The following DPF3 variants were observed in gnomAD, a reference collection of about 807,000 sequenced individuals.
DPF3 encodes double PHD fingers 3.
DPF3 carries 18 observed loss-of-function variants against 56.8 expected under a neutral mutation model. That is an observed-to-expected ratio of 0.32 (90% CI 0.22 to 0.47). The LOEUF is 0.47. Ranked by LOEUF, DPF3 falls within the 20% of genes least tolerant of loss-of-function variation. DPF3 has a pLI of 1.00. For synonymous variants in DPF3, 188 were observed against 180.2 expected, an observed-to-expected ratio of 1.04 and a Z score of -0.35; for missense variants, 403 against 488.8, an observed-to-expected ratio of 0.82 and a Z score of 1.65.
At chr14:72,766,124 A>T (rs551116834) in intron 2 of DPF3, among the ~76,000 whole-genome samples, 1 of 152,358 alleles carries the variant, frequency 6.6e-6, no homozygotes, top group African/African-American at 2.4e-5. Context: ...GTCAAAACTT[A>T]TCAAGCTGGA....
chr14:72,808,682 G>A (rs191303318), intron 1 of DPF3, among the ~76,000 whole-genome samples: 79 of 152,304 alleles, frequency 5.2e-4, no homozygotes, highest in Non-Finnish European at 1.3e-4. Context: ...TCCTATTCTG[G>A]GAGGAGAAAA....
intron 1 of DPF3, among the ~76,000 whole-genome samples, chr14:72,826,355 C>T (rs1459308018): frequency 6.6e-6 from 1 of 152,144 alleles, no homozygotes; most frequent in African/African-American, 2.4e-5. Flanking sequence ...TCTAGGCTTC[C>T]TCCCTGCACT....
chr14:72,864,700 G>C (rs974503561), intron 1 of DPF3, among the ~76,000 whole-genome samples: 24 of 152,292 alleles, frequency 1.6e-4, no homozygotes, highest in African/African-American at 5.8e-4. Context: ...ATGGATGGAT[G>C]GATGGATGGA....
intron 1 of DPF3, among the ~76,000 whole-genome samples, chr14:72,884,594 G>A (rs2140128502): frequency 6.6e-6 from 1 of 152,012 alleles, no homozygotes; most frequent in Admixed American, 6.6e-5. Flanking sequence ...TGGCTGTTTG[G>A]AAGGACAGGC....
intron 7 of DPF3, among the ~76,000 whole-genome samples, chr14:72,676,138 A>G (rs576291815): frequency 4.3e-4 from 66 of 152,316 alleles, no homozygotes; most frequent in African/African-American, 1.5e-3. Context: ...CAAATGGTGA[A>G]CAGAAAGAAG....
At chr14:72,746,044 C>T (rs936483338) in intron 3 of DPF3, among the ~76,000 whole-genome samples, 4 of 152,288 alleles carry the variant, frequency 2.6e-5, no homozygotes, top group Non-Finnish European at 4.4e-5. Flanking sequence ...AGATCTAGCT[C>T]GTGCTCTACT....
chr14:72,844,175 A>G (rs1167815544), intron 1 of DPF3, among the ~76,000 whole-genome samples: 1 of 152,256 alleles, frequency 6.6e-6, no homozygotes, highest in Non-Finnish European at 1.5e-5. Flanking sequence ...AGTCCATGCA[A>G]TGATGAGAAT....
intron 2 of DPF3, 75 bp from the exon 3 acceptor site, chr14:72,753,446 G>T (rs914871023): frequency 1.2e-5 from 14 of 1,121,696 alleles, no homozygotes; most frequent in Non-Finnish European, 1.7e-5. Context: ...GACTAACCCC[G>T]TCATTCACAA....
intron 1 of DPF3, among the ~76,000 whole-genome samples, chr14:72,861,801 A>AAGAAAGAAAGAAAGAAAGAG (rs1567261330): frequency 6.6e-6 from 1 of 150,422 alleles, no homozygotes; most frequent in African/African-American, 2.5e-5. Flanking sequence ...GAAAGAAAGA[A>AAGAAAGAAAGAAAGAAAGAG]AGAAGGAAAG....
chr14:72,663,612 C>T (rs536873461), intron 8 of DPF3, among the ~76,000 whole-genome samples: 94 of 152,272 alleles, frequency 6.2e-4, no homozygotes, highest in African/African-American at 1.3e-3. Context: ...GTCTTTGGAA[C>T]GGAGTAGTTG....
At chr14:72,860,242 G>A (rs1885343536) in intron 1 of DPF3, among the ~76,000 whole-genome samples, 1 of 152,130 alleles carries the variant, frequency 6.6e-6, no homozygotes, top group Non-Finnish European at 1.5e-5. Flanking sequence ...GAATGCAGTG[G>A]CACAATCATA....
intron 1 of DPF3, among the ~76,000 whole-genome samples, chr14:72,812,683 G>A (rs1425908902): frequency 1.3e-5 from 2 of 152,198 alleles, no homozygotes; most frequent in African/African-American, 4.8e-5. Flanking sequence ...GGCCTGGGGG[G>A]AGAGGGCGCT....
At chr14:72,859,864 G>T (rs901072246) in intron 1 of DPF3, among the ~76,000 whole-genome samples, 3 of 151,890 alleles carry the variant, frequency 2.0e-5, no homozygotes, top group Non-Finnish European at 4.4e-5. Context: ...TGAATCACCT[G>T]GGATCTTGTC....
chr14:72,685,141 T>C (rs1279097275), intron 7 of DPF3, among the ~76,000 whole-genome samples: 3 of 152,214 alleles, frequency 2.0e-5, no homozygotes, highest in African/African-American at 7.2e-5. Flanking sequence ...ATTAACATGT[T>C]CATCTCTTTT....
At chr14:72,751,246 A>G (rs1009037703) in intron 3 of DPF3, among the ~76,000 whole-genome samples, 5 of 152,194 alleles carry the variant, frequency 3.3e-5, no homozygotes, top group African/African-American at 1.2e-4. Context: ...TGTATTACCT[A>G]CTCAAAGTCA....
chr14:72,627,584 G>A (rs1176066652), intron 9 of DPF3, among the ~76,000 whole-genome samples: 1 of 151,966 alleles, frequency 6.6e-6, no homozygotes, highest in Non-Finnish European at 1.5e-5. Flanking sequence ...ATCTGGTAGG[G>A]CTAGTTTCCA....
chr14:72,676,250 G>T (rs968727516), intron 7 of DPF3, among the ~76,000 whole-genome samples: 3 of 152,168 alleles, frequency 2.0e-5, no homozygotes, highest in Non-Finnish European at 4.4e-5. Context: ...TTGTTACTTA[G>T]GTAGCTTCCT....
chr14:72,686,300 G>C (rs1245984864), intron 7 of DPF3, among the ~76,000 whole-genome samples: 1 of 152,212 alleles, frequency 6.6e-6, no homozygotes, highest in Non-Finnish European at 1.5e-5. Flanking sequence ...ACATGCCTGT[G>C]GGCCCAAATG....
At chr14:72,648,830 A>G (rs1885809032) in intron 8 of DPF3, among the ~76,000 whole-genome samples, 1 of 152,006 alleles carries the variant, frequency 6.6e-6, no homozygotes, top group African/African-American at 2.4e-5. Context: ...ACAAGCCATA[A>G]AAGCTCCCAT....
Sources: allele counts gnomAD v4.1 joint callset (sites outside exome capture counted in the v4.1 genomes callset), GRCh38; gene constraint gnomAD v4.1.1; transcripts MANE v1.5; gene names NCBI Gene and HGNC (gene_info 2026-07-23, HGNC 2026-07-21).